Variants in ATP10A observed in about 807,000 individuals in gnomAD.
ATP10A encodes the protein ATPase phospholipid transporting 10A (putative), also known as phospholipid-transporting ATPase VA.
In ATP10A, 111 loss-of-function variants were observed where a neutral mutation model predicts 147.8. That is an observed-to-expected ratio of 0.75 (90% CI 0.64 to 0.88). The LOEUF (loss-of-function observed/expected upper bound fraction) is 0.88. Among genes scored for constraint, ATP10A ranks in the 40% least tolerant of loss-of-function variants. The pLI, the probability that ATP10A is intolerant of heterozygous loss-of-function variation, is 0.00. For synonymous variants in ATP10A, 875 were observed against 841.6 expected, an observed-to-expected ratio of 1.04 and a Z score of -0.69; for missense variants, 1,927 against 1,959.0, an observed-to-expected ratio of 0.98 and a Z score of 0.31.
intron 12 of ATP10A, among the ~76,000 whole-genome samples, chr15:25,705,139 CTATT>C (rs1900899061): frequency 6.6e-6 from 1 of 152,158 alleles, no homozygotes; most frequent in Admixed American, 6.5e-5. Context: ...TTCTCTGATG[CTATT>C]TAAGATAAGC....
intron 2 of ATP10A, among the ~76,000 whole-genome samples, chr15:25,752,118 C>T (rs1054270576): frequency 3.9e-4 from 59 of 152,190 alleles, no homozygotes; most frequent in African/African-American, 1.3e-3. Flanking sequence ...TCCCCCAAAA[C>T]TAAAAATAGA....
intron 2 of ATP10A, among the ~76,000 whole-genome samples, chr15:25,768,683 A>ATTTT (rs143608940): frequency 0.016 from 1,453 of 89,506 alleles, 23 homozygotes; most frequent in Non-Finnish European, 0.023. Context: ...AGCTGGGCTA[A>ATTTT]TTTTTTTTTT....
chr15:25,703,302 C>T (rs576778895), intron 12 of ATP10A, among the ~76,000 whole-genome samples: 1 of 152,250 alleles, frequency 6.6e-6, no homozygotes, highest in African/African-American at 2.4e-5. Context: ...TTGCAGTGAG[C>T]TGAGATCATG....
intron 16 of ATP10A, among the ~76,000 whole-genome samples, chr15:25,684,383 A>T (rs369332325): frequency 1.3e-5 from 2 of 152,190 alleles, no homozygotes; most frequent in African/African-American, 4.8e-5. Flanking sequence ...CTTGCTCATG[A>T]CATGGGCATA....
intron 16 of ATP10A, among the ~76,000 whole-genome samples, chr15:25,687,212 T>G (rs1899737854): frequency 4.3e-5 from 2 of 46,274 alleles, no homozygotes; most frequent in African/African-American, 4.4e-4. Context: ...AAAGCACACT[T>G]GTGCTTATCA....
At chr15:25,737,644 C>CCAG (rs1369703089) in intron 2 of ATP10A, among the ~76,000 whole-genome samples, 1 of 152,108 alleles carries the variant, frequency 6.6e-6, no homozygotes. Context: ...GGAGGGATCT[C>CCAG]TAGAGACTGG....
intron 8 of ATP10A, among the ~76,000 whole-genome samples, chr15:25,717,797 C>T (rs1235057858): frequency 1.3e-5 from 2 of 152,218 alleles, no homozygotes; most frequent in Non-Finnish European, 1.5e-5. Context: ...CTGACAAGGC[C>T]AGGCAGAAAG....
intron 2 of ATP10A, among the ~76,000 whole-genome samples, chr15:25,774,019 G>A (rs998873588): frequency 6.6e-6 from 1 of 150,380 alleles, no homozygotes; most frequent in Non-Finnish European, 1.5e-5. Flanking sequence ...TAGGAAAATT[G>A]GAAATTTTAT....
chr15:25,735,634 C>T (rs1484964862), intron 3 of ATP10A, among the ~76,000 whole-genome samples: 3 of 152,222 alleles, frequency 2.0e-5, no homozygotes, highest in Non-Finnish European at 4.4e-5. Context: ...GCCTTGAATG[C>T]ACCCAGCATG....
intron 1 of ATP10A, among the ~76,000 whole-genome samples, chr15:25,837,086 T>A (rs1892630141): frequency 6.6e-6 from 1 of 152,224 alleles, no homozygotes; most frequent in African/African-American, 2.4e-5. Context: ...TACCTCATTT[T>A]TTTTCGGTGA....
chr15:25,777,778 C>CTTTTT (rs141645308), intron 2 of ATP10A, among the ~76,000 whole-genome samples: 1 of 123,944 alleles, frequency 8.1e-6, no homozygotes, highest in Non-Finnish European at 1.7e-5. Flanking sequence ...TTTTTTCTTT[C>CTTTTT]TTTCTTTTTT....
chr15:25,853,526 A>T (rs1893377947), intron 1 of ATP10A, among the ~76,000 whole-genome samples: 2 of 152,034 alleles, frequency 1.3e-5, no homozygotes, highest in South Asian at 4.1e-4. Context: ...GGGCCATCAC[A>T]TGTCAGCCAG....
chr15:25,695,190 G>T, intron 13 of ATP10A, 44 bp from the exon 14 acceptor site: 1 of 1,538,620 alleles, frequency 6.5e-7, no homozygotes, highest in Non-Finnish European at 8.8e-7. Flanking sequence ...TCAGAGTCAT[G>T]CCACAAACAT....
chr15:25,816,924 C>G (rs1203929964), intron 1 of ATP10A, among the ~76,000 whole-genome samples: 8 of 151,992 alleles, frequency 5.3e-5, no homozygotes, highest in Non-Finnish European at 4.4e-5. Context: ...GTATCTTACA[C>G]TCTTGGCTAT....
chr15:25,694,999 G>T lies in ATP10A; in HGVS notation c.2908C>A (p.Pro970Thr). The change falls in exon 14 of 21, where the codon CCC becomes ACC. Residue 970 changes from proline (P) to threonine (T), a missense_variant. Transcript: ENST00000555815. Reference sequence around the variant, plus strand: ...CTTCTCCCATCGATCACGAGGCTGGGTCTGCGGCCAGAGGCAGTGGACGTG... The same window carrying T: ...CTTCTCCCATCGATCACGAGGCTGGTTCTGCGGCCAGAGGCAGTGGACGTG... ...PSTSTASGRR[P>T]SLVIDGRSLA... The T allele has an allele frequency of 6.2e-7, 1 of 1,614,202 alleles. No homozygotes were observed. Among genetic ancestry groups the T allele is most frequent in the Non-Finnish European group, 8.5e-7 (1 of 1,180,036 alleles).
chr15:25,825,809 G>A (rs991453747), intron 1 of ATP10A, among the ~76,000 whole-genome samples: 1 of 144,502 alleles, frequency 6.9e-6, no homozygotes, highest in African/African-American at 2.7e-5. Context: ...TATGAGACAT[G>A]CCAACAAATA....
intron 1 of ATP10A, among the ~76,000 whole-genome samples, chr15:25,839,793 T>C (rs1892734857): frequency 6.6e-6 from 1 of 152,188 alleles, no homozygotes; most frequent in South Asian, 2.1e-4. Context: ...GGAGGTCCCA[T>C]GCACCCTTCA....
intron 1 of ATP10A, among the ~76,000 whole-genome samples, chr15:25,860,985 T>C (rs1171097403): frequency 6.6e-6 from 1 of 152,170 alleles, no homozygotes; most frequent in Non-Finnish European, 1.5e-5. Context: ...ACCAGGGCTA[T>C]GTGGTGGAGG....
At chr15:25,860,023 G>A (rs1005241708) in intron 1 of ATP10A, among the ~76,000 whole-genome samples, 1 of 152,176 alleles carries the variant, frequency 6.6e-6, no homozygotes, top group African/African-American at 2.4e-5. Context: ...ACAGTTCACA[G>A]TCGTGCGTCT....
Sources: allele counts gnomAD v4.1 joint callset (sites outside exome capture counted in the v4.1 genomes callset), GRCh38; gene constraint gnomAD v4.1.1; transcripts MANE v1.5; gene names NCBI Gene and HGNC (gene_info 2026-07-23, HGNC 2026-07-21).